The following SGCD variants were observed in gnomAD, a reference collection of about 807,000 sequenced individuals.
SGCD encodes delta-sarcoglycan.
In SGCD, 18 loss-of-function variants were observed where a neutral mutation model predicts 36.6. The ratio of observed to expected loss-of-function variants is 0.49; its 90% CI spans 0.34 to 0.73. The LOEUF (loss-of-function observed/expected upper bound fraction) is 0.73, where lower values mean the gene tolerates loss of function less well. Among genes scored for constraint, SGCD ranks in the 30% least tolerant of loss-of-function variants. The pLI, the probability that SGCD is intolerant of heterozygous loss-of-function variation, is 0.01. For synonymous variants in SGCD, 133 were observed against 130.6 expected (o/e 1.02, Z -0.12); for missense variants, 387 against 346.7 (o/e 1.12, Z -0.92).
chr5:156,104,328 A>G (rs1464657077), intron 1 of SGCD, among the ~76,000 whole-genome samples: 1 of 152,192 alleles, frequency 6.6e-6, no homozygotes, highest in Non-Finnish European at 1.5e-5. Context: ...GATAATTTTC[A>G]TAACTGTTTA....
intron 1 of SGCD, among the ~76,000 whole-genome samples, chr5:155,925,876 C>A (rs1415921389): frequency 6.6e-6 from 1 of 152,100 alleles, no homozygotes; most frequent in Non-Finnish European, 1.5e-5. Context: ...CTCAGCCTCC[C>A]AAAGTGCTGG....
At chr5:156,219,386 T>G (rs995121452) in intron 3 of SGCD, among the ~76,000 whole-genome samples, 2 of 152,216 alleles carry the variant, frequency 1.3e-5, no homozygotes, top group Non-Finnish European at 2.9e-5. Flanking sequence ...TACACATATG[T>G]ATGTGTGTAT....
chr5:155,911,319 G>GTGTGTATA (rs145927722), intron 1 of SGCD, among the ~76,000 whole-genome samples: 329 of 141,422 alleles, frequency 2.3e-3, no homozygotes, highest in South Asian at 4.5e-3. Context: ...GTGTGTGTGT[G>GTGTGTATA]TATATATATA....
intron 3 of SGCD, among the ~76,000 whole-genome samples, chr5:156,385,656 T>A (rs1580908338): frequency 1.3e-5 from 2 of 152,186 alleles, no homozygotes; most frequent in East Asian, 3.9e-4. Context: ...TAAGAGCTTA[T>A]CTGGGCCTGC....
chr5:156,594,883 C>A, intron 5 of SGCD, 49 bp from the exon 6 acceptor site: 1 of 1,226,416 alleles, frequency 8.2e-7, no homozygotes, highest in South Asian at 1.3e-5. Flanking sequence ...TTTTCTCTCT[C>A]TCTCTCTCCT....
intron 2 of SGCD, among the ~76,000 whole-genome samples, chr5:156,332,188 G>A (rs1453024668): frequency 1.3e-5 from 2 of 152,204 alleles, no homozygotes; most frequent in African/African-American, 4.8e-5. Flanking sequence ...ATGTTACCAG[G>A]CTGCTGATAC....
At chr5:156,487,813 A>AAAAAAAAGAAAG (rs1554107842) in intron 3 of SGCD, among the ~76,000 whole-genome samples, 73 of 77,740 alleles carry the variant, frequency 9.4e-4, no homozygotes, top group Non-Finnish European at 1.6e-3. Context: ...AAAAAAAAAA[A>AAAAAAAAGAAAG]AAAGAAAGAA....
intron 7 of SGCD, among the ~76,000 whole-genome samples, chr5:156,668,817 C>T (rs1753167125): frequency 6.6e-6 from 1 of 152,140 alleles, no homozygotes; most frequent in Admixed American, 6.6e-5. Context: ...CTGATGATGT[C>T]TCTCCTCTGA....
intron 3 of SGCD, among the ~76,000 whole-genome samples, chr5:156,284,537 T>C (rs1263791221): frequency 6.6e-6 from 1 of 152,162 alleles, no homozygotes; most frequent in Non-Finnish European, 1.5e-5. Context: ...TCAATAAATA[T>C]AATCCAGCAT....
chr5:155,912,090 C>G (rs1286646341), intron 1 of SGCD, among the ~76,000 whole-genome samples: 3 of 152,042 alleles, frequency 2.0e-5, no homozygotes, highest in Non-Finnish European at 4.4e-5. Flanking sequence ...TTCACTCATT[C>G]TCCACTTTAG....
chr5:156,425,959 G>A (rs1194428283), intron 3 of SGCD, among the ~76,000 whole-genome samples: 1 of 151,946 alleles, frequency 6.6e-6, no homozygotes, highest in African/African-American at 2.4e-5. Context: ...CCACTCATTG[G>A]CTGATGGGTA....
chr5:156,308,647 A>C (rs183085029), intron 3 of SGCD, among the ~76,000 whole-genome samples: 45 of 152,236 alleles, frequency 3.0e-4, no homozygotes, highest in Middle Eastern at 6.8e-3. Context: ...GTCACTCACT[A>C]TCAAGAGAAC....
At chr5:156,374,278 A>G (rs1770543054) in intron 3 of SGCD, among the ~76,000 whole-genome samples, 1 of 152,198 alleles carries the variant, frequency 6.6e-6, no homozygotes, top group Non-Finnish European at 1.5e-5. Flanking sequence ...ATACCTGTGA[A>G]ACAAGCTCAC....
Position 156,760,852 on chromosome 5 carries a change from A to G in SGCD, c.*1462A>G, listed in dbSNP as rs1432227113. ...ACATCTTATTTATCTTGTTACCTAT[A>G]GTTTACTTTGGGTGATTGGAGGGGA... On this transcript the variant is annotated 3_prime_UTR_variant, in exon 9 of 9. Transcript: ENST00000337851. 6.6e-6 allele frequency: 1 copy of G among 152,624 alleles called. No individual in the cohort carries two copies. Among genetic ancestry groups the G allele is most frequent in the Non-Finnish European group, 1.5e-5 (1 of 68,054 alleles). The allele number at this position is 152,624 out of a possible 1,614,324, so 9.5% of individuals were successfully genotyped here. A position where few individuals can be genotyped will look rare whatever the true frequency, so the allele number is the denominator to read the frequency against.
At chr5:156,676,982 A>T (rs1753540180) in intron 7 of SGCD, among the ~76,000 whole-genome samples, 1 of 152,200 alleles carries the variant, frequency 6.6e-6, no homozygotes, top group Admixed American at 6.5e-5. Context: ...TTTATTGAGC[A>T]CATTCCTGGG....
the SGCD span, among the ~76,000 whole-genome samples, chr5:155,792,598 A>G: frequency 1.2e-4 from 18 of 152,178 alleles, no homozygotes; most frequent in Non-Finnish European, 2.1e-4. Flanking sequence ...GACAAAGGAC[A>G]TGAGCAGACA....
At chr5:156,011,913 C>A (rs1226695007) in intron 1 of SGCD, among the ~76,000 whole-genome samples, 2 of 151,616 alleles carry the variant, frequency 1.3e-5, no homozygotes, top group Non-Finnish European at 2.9e-5. Flanking sequence ...AAAATACTAC[C>A]CTCATTTGTA....
intron 3 of SGCD, among the ~76,000 whole-genome samples, chr5:156,386,088 C>G (rs1327599749): frequency 6.6e-6 from 1 of 152,170 alleles, no homozygotes; most frequent in Non-Finnish European, 1.5e-5. Flanking sequence ...AGAATGCCTT[C>G]CAATCTGTTT....
chr5:156,712,834 TATCA>T (rs1197772607), intron 7 of SGCD, among the ~76,000 whole-genome samples: 1 of 152,210 alleles, frequency 6.6e-6, no homozygotes, highest in East Asian at 1.9e-4. Flanking sequence ...ACCCACTGTC[TATCA>T]ATCAATCACC....
Sources: allele counts gnomAD v4.1 joint callset (sites outside exome capture counted in the v4.1 genomes callset), GRCh38; gene constraint gnomAD v4.1.1; transcripts MANE v1.5; gene names NCBI Gene and HGNC (gene_info 2026-07-23, HGNC 2026-07-21).